Variants in EPRS1 observed in about 807,000 individuals in gnomAD.
The protein encoded by EPRS1 is bifunctional glutamate/proline--tRNA ligase.
Under a neutral mutation model 188.3 loss-of-function variants are expected in EPRS1, and 107 were observed. The ratio of observed to expected loss-of-function variants is 0.57; its 90% confidence interval spans 0.49 to 0.67. The LOEUF is 0.67. EPRS1 is among the 30% of genes least tolerant of loss of function. EPRS1 has a pLI of 0.00. For synonymous variants in EPRS1, 596 were observed against 593.1 expected (o/e 1.00, Z -0.07); for missense variants, 1,577 against 1,802.2 (o/e 0.88, Z 2.26).
intron 18 of EPRS1, among the ~76,000 whole-genome samples, chr1:219,994,553 A>G (rs1429833990): frequency 6.6e-6 from 1 of 152,118 alleles, no homozygotes; most frequent in Non-Finnish European, 1.5e-5. Flanking sequence ...AAAAGAAAAA[A>G]TGAAGACAAC....
chr1:220,038,342 A>G (rs1320487361), intron 2 of EPRS1, among the ~76,000 whole-genome samples: 1 of 150,666 alleles, frequency 6.6e-6, no homozygotes, highest in Non-Finnish European at 1.5e-5. Flanking sequence ...TTGGCCTCCC[A>G]AAGTGCTGGG....
chr1:219,977,223 ACT>A (rs2102561467), intron 28 of EPRS1, among the ~76,000 whole-genome samples: 1 of 152,070 alleles, frequency 6.6e-6, no homozygotes, highest in African/African-American at 2.4e-5. Flanking sequence ...TAGATAGTGA[ACT>A]CTCTTTCTCA....
intron 1 of EPRS1, among the ~76,000 whole-genome samples, chr1:220,042,346 G>A (rs1321874781): frequency 1.3e-5 from 2 of 151,616 alleles, no homozygotes; most frequent in Non-Finnish European, 2.9e-5. Context: ...AGCCAGGCGT[G>A]GTGGCATGTG....
At chr1:220,033,155 G>C (rs1236686325) in intron 4 of EPRS1, among the ~76,000 whole-genome samples, 1 of 152,060 alleles carries the variant, frequency 6.6e-6, no homozygotes, top group Non-Finnish European at 1.5e-5. Flanking sequence ...CTTTTTTCAA[G>C]TCAGAGACAA....
chr1:220,035,022 TA>T lies in EPRS1; in HGVS notation c.132-10del. On this transcript the variant is annotated splice_polypyrimidine_tract_variant and intron_variant, in intron 2 of 31. Coordinates refer to ENST00000366923, the MANE Select transcript of EPRS1 (RefSeq NM_004446.3). ...CTGTGAATATCACATTTCTAGAATA[TA>T]AGCACGAGATAAAATATTACTGCTG... 1 of 1,410,946 alleles carries T rather than the reference TA, an allele frequency of 7.1e-7. No individual in the cohort carries two copies. The highest frequency in any genetic ancestry group is 9.8e-7 in the Non-Finnish European group (1 of 1,015,692). 87.4% of individuals were successfully genotyped at this position (1,410,946 alleles called of 1,614,324 possible).
At chr1:219,981,517 T>A in intron 23 of EPRS1, 60 bp from the exon 24 acceptor site, 1 of 1,000,912 alleles carries the variant, frequency 1.0e-6, no homozygotes, top group Non-Finnish European at 1.5e-6. Context: ...TTTAGGGATG[T>A]AACAGCTAAA....
intron 12 of EPRS1, chr1:220,018,066 G>A (rs1351068672): frequency 2.0e-6 from 2 of 1,003,330 alleles, no homozygotes; most frequent in African/African-American, 1.7e-5. Context: ...AACATCTCAG[G>A]TTTTAACATG....
At chr1:220,000,137 T>C (rs1661322248) in intron 17 of EPRS1, among the ~76,000 whole-genome samples, 1 of 152,246 alleles carries the variant, frequency 6.6e-6, no homozygotes, top group South Asian at 2.1e-4. Flanking sequence ...TATGTGATTT[T>C]GCAGAACATG....
rs761411199 is a variant in EPRS1 at position 220,046,339 on chromosome 1, T to G, written c.46+4A>C. 3 of 1,613,972 alleles carry G rather than the reference T, an allele frequency of 1.9e-6. No homozygotes were observed. The highest frequency in any genetic ancestry group is 2.7e-5 in the African/African-American group (2 of 74,918). ...CACACAGGTCATTGGTCTCGGCCCCTTACCTAGCGGAGGGTCTCCTGAATT... is the reference window on the plus strand; with the variant it reads ...CACACAGGTCATTGGTCTCGGCCCCGTACCTAGCGGAGGGTCTCCTGAATT... On this transcript the variant is annotated splice_donor_region_variant and intron_variant, in intron 1 of 31. Transcript: ENST00000366923.
At chr1:220,002,612 C>G (rs536215376) in intron 16 of EPRS1, among the ~76,000 whole-genome samples, 75 of 152,188 alleles carry the variant, frequency 4.9e-4, no homozygotes, top group African/African-American at 1.8e-3. Flanking sequence ...GTAATCCCAG[C>G]ACTTCGGGGG....
intron 23 of EPRS1, among the ~76,000 whole-genome samples, chr1:219,981,794 G>A (rs1660906521): frequency 6.6e-6 from 1 of 152,286 alleles, no homozygotes; most frequent in Admixed American, 6.5e-5. Flanking sequence ...TCTATGTTAA[G>A]TTCTCTGCAT....
chr1:219,997,474 A>G, intron 17 of EPRS1, 132 bp from the exon 18 acceptor site: 1 of 755,042 alleles, frequency 1.3e-6, no homozygotes, highest in Non-Finnish European at 2.0e-6. Context: ...TCCCTTAAAA[A>G]GCTTAAATGA....
rs1254217671 is a variant in EPRS1, at chr1:220,025,362, T to C, written c.624-104A>G. 4 of 747,908 alleles carry C rather than the reference T, an allele frequency of 5.3e-6. No individual in the cohort carries two copies. In the African/African-American group the frequency reaches 5.4e-5, roughly 10 times the overall value. 46.3% of individuals were successfully genotyped at this position (747,908 alleles called of 1,614,324 possible). A position where few individuals can be genotyped will look rare whatever the true frequency, so the allele number is the denominator to read the frequency against. On this transcript the variant is annotated intron_variant, in intron 6 of 31. Coordinates refer to ENST00000366923, the MANE Select transcript of EPRS1 (RefSeq NM_004446.3). Reference sequence around the variant, plus strand: ...GAGAACTAAACAAAAGTCCTTCTAATTGGTACCCAAGTCATATTTTATTTT... The same window carrying C: ...GAGAACTAAACAAAAGTCCTTCTAACTGGTACCCAAGTCATATTTTATTTT...
rs1661067529 is a variant in EPRS1, at chr1:219,988,944, T to A, written c.2542-121A>T. ...CCCATAAGTTAATCATGGGGAAACC[T>A]ATGTTAAATCATCAGCCTACAATAA... is the stretch of plus-strand genomic sequence containing the variant. On this transcript the variant is annotated intron_variant, in intron 18 of 31. Transcript: ENST00000366923. 4.8e-6 allele frequency: 3 copies of A among 620,176 alleles called. No homozygotes were observed. In the East Asian group the frequency reaches 8.3e-5, roughly 17 times the overall value. The allele number at this position is 620,176 out of a possible 1,614,324, so 38.4% of individuals were successfully genotyped here.
At chr1:220,018,542 A>T in intron 11 of EPRS1, 34 bp from the exon 12 acceptor site, 1 of 1,451,056 alleles carries the variant, frequency 6.9e-7, no homozygotes, top group Non-Finnish European at 9.7e-7. Flanking sequence ...TTTAAGGGCA[A>T]GCAGTATTAA....
At chr1:220,040,939 G>GA (rs1007649807) in intron 1 of EPRS1, among the ~76,000 whole-genome samples, 13 of 145,174 alleles carry the variant, frequency 9.0e-5, no homozygotes, top group African/African-American at 3.3e-4. Flanking sequence ...AAAAAAAAAA[G>GA]AAAAAAGCTA....
At position 219,987,345 on chromosome 1, in the gene EPRS1, C is replaced by T; in HGVS notation, c.2835G>A (p.Leu945=). 1 of 1,613,816 alleles carries T rather than the reference C, an allele frequency of 6.2e-7. No individual in the cohort carries two copies. Among genetic ancestry groups the T allele is most frequent in the Non-Finnish European group, 8.5e-7 (1 of 1,179,802 alleles). The change falls in exon 20 of 32, where the codon TTG becomes TTA. Residue 945 remains leucine (L), a synonymous_variant. Transcript: ENST00000366923. ...ACACAGGCTTATACTCTACTCCTAT[C>T]AAAGACTTGTACTGTGCCTTTAGCT... ...LLQLKAQYKS[L]IGVEYKPVSA...
intron 17 of EPRS1, among the ~76,000 whole-genome samples, chr1:219,999,767 A>C (rs1266098446): frequency 6.6e-6 from 1 of 152,190 alleles, no homozygotes; most frequent in Non-Finnish European, 1.5e-5. Flanking sequence ...TGAGGTAAGG[A>C]GTTCAAGACC....
chr1:220,022,254 G>T, intron 9 of EPRS1, 93 bp downstream of exon 9: 1 of 1,134,014 alleles, frequency 8.8e-7, no homozygotes, highest in Non-Finnish European at 1.3e-6. Flanking sequence ...AAAAGGCCAG[G>T]TTTCTTGACT....
Sources: allele counts gnomAD v4.1 joint callset (sites outside exome capture counted in the v4.1 genomes callset), GRCh38; gene constraint gnomAD v4.1.1; transcripts MANE v1.5; gene names NCBI Gene and HGNC (gene_info 2026-07-23, HGNC 2026-07-21).